Variants in GSTCD observed in about 807,000 individuals in gnomAD.
GSTCD encodes glutathione S-transferase C-terminal domain containing, also known as glutathione S-transferase C-terminal domain-containing protein.
Under a neutral mutation model 68.3 loss-of-function variants are expected in GSTCD, and 44 were observed. The observed-to-expected ratio is 0.64, with a 90% CI of 0.51 to 0.83. GSTCD has a LOEUF of 0.83. Ranked by LOEUF, GSTCD falls within the 40% of genes least tolerant of loss-of-function variation. The pLI, the probability that GSTCD is intolerant of heterozygous loss-of-function variation, is 0.00. For missense variants in GSTCD, 739 were observed against 735.9 expected, an observed-to-expected ratio of 1.00 and a Z score of -0.05; for synonymous variants, 273 against 255.2, an observed-to-expected ratio of 1.07 and a Z score of -0.67.
intron 5 of GSTCD, among the ~76,000 whole-genome samples, chr4:105,731,034 T>A (rs1733220324): frequency 6.6e-6 from 1 of 152,176 alleles, no homozygotes; most frequent in Non-Finnish European, 1.5e-5. Context: ...AAAGATCAGA[T>A]GGTTGTAGAT....
chr4:105,759,819 A>C (rs1734333791), intron 5 of GSTCD, among the ~76,000 whole-genome samples: 1 of 152,140 alleles, frequency 6.6e-6, no homozygotes, highest in Non-Finnish European at 1.5e-5. Flanking sequence ...GGACTTAAAC[A>C]AAAAATTGAC....
chr4:105,809,864 T>A (rs1158750992), intron 5 of GSTCD, among the ~76,000 whole-genome samples: 1 of 152,020 alleles, frequency 6.6e-6, no homozygotes, highest in Non-Finnish European at 1.5e-5. Context: ...GAAATTGTGT[T>A]TTTCTAGGTT....
chr4:105,834,577 G>A lies in GSTCD; in HGVS notation c.1647G>A (p.Lys549=), dbSNP rs760066509. The stretch of plus-strand genomic sequence containing the variant: ...ATGGTTTCATTCAGAACACCTCAAA[G>A]TTCAATTTTCCAAAAAGGTGAGAAA... ...CCYGFIQNTS[K]FNFPKSEQFK... The change falls in exon 9 of 12, where the codon AAG becomes AAA. Residue 549 remains lysine (K), a synonymous_variant. Transcript: ENST00000515279. 6.2e-7 allele frequency: 1 copy of A among 1,613,870 alleles called. No individual in the cohort carries two copies. Among genetic ancestry groups the A allele is most frequent in the Non-Finnish European group, 8.5e-7 (1 of 1,179,880 alleles).
intron 1 of GSTCD, among the ~76,000 whole-genome samples, chr4:105,715,480 A>G (rs115768668): frequency 0.041 from 6,202 of 152,118 alleles, 433 homozygotes; most frequent in African/African-American, 0.14. Context: ...TTTAAGAAGT[A>G]ACAAATCATG....
At chr4:105,743,653 CTTTTTTTTTTTTT>C (rs777714268) in intron 5 of GSTCD, among the ~76,000 whole-genome samples, 3 of 88,848 alleles carry the variant, frequency 3.4e-5, no homozygotes, top group Admixed American at 1.2e-4. Flanking sequence ...ACAGGACATT[CTTTTTTTTTTTTT>C]TTTTTTTTTT....
Position 105,837,819 on chromosome 4 carries a change from T to C in GSTCD, c.1665-40T>C, listed in dbSNP as rs1178132096. 4.8e-6 allele frequency: 4 copies of C among 835,238 alleles called. No homozygotes were observed. The African/African-American group carries it at 7.0e-5, about 15-fold the overall frequency. The allele number at this position is 835,238 out of a possible 1,614,324, so 51.7% of individuals were successfully genotyped here. On this transcript the variant is annotated intron_variant, in intron 9 of 11. Coordinates refer to ENST00000515279, the MANE Select transcript of GSTCD (RefSeq NM_001370181.1). The stretch of plus-strand genomic sequence containing the variant: ...TTCTTCAAGATTATCTTACTCTTAA[T>C]ATTTAGAATGATGACTAATTCCTTT...
At chr4:105,773,522 T>G (rs953333157) in intron 5 of GSTCD, among the ~76,000 whole-genome samples, 1 of 152,238 alleles carries the variant, frequency 6.6e-6, no homozygotes, top group Admixed American at 6.6e-5. Context: ...CTGTTAACAC[T>G]GCTTTAGCTG....
At chr4:105,813,195 G>A (rs959073176) in intron 5 of GSTCD, among the ~76,000 whole-genome samples, 1 of 152,044 alleles carries the variant, frequency 6.6e-6, no homozygotes, top group East Asian at 1.9e-4. Context: ...TTACAAAAAA[G>A]GATTGATATA....
intron 1 of GSTCD, among the ~76,000 whole-genome samples, chr4:105,711,883 A>C (rs1040854589): frequency 6.6e-6 from 1 of 152,178 alleles, no homozygotes; most frequent in Non-Finnish European, 1.5e-5. Context: ...GTATACATAA[A>C]AACTTCTGTG....
At chr4:105,761,906 TTG>T (rs1382139047) in intron 5 of GSTCD, 3 of 152,244 alleles carry the variant, frequency 2.0e-5, no homozygotes, top group Non-Finnish European at 4.4e-5. Context: ...TGCTTTTTAT[TTG>T]CTCATTACTG....
intron 5 of GSTCD, among the ~76,000 whole-genome samples, chr4:105,757,753 A>G (rs1397090275): frequency 6.6e-6 from 1 of 152,192 alleles, no homozygotes; most frequent in African/African-American, 2.4e-5. Flanking sequence ...TACCCAACCT[A>G]TTTCACAAGG....
intron 2 of GSTCD, 83 bp downstream of exon 2, chr4:105,718,122 A>G (rs767428393): frequency 2.6e-5 from 28 of 1,087,472 alleles, no homozygotes; most frequent in Non-Finnish European, 3.5e-5. Flanking sequence ...TTAACTTCCT[A>G]TTAGGAATAA....
chr4:105,820,283 T>G (rs1042343862), intron 5 of GSTCD, among the ~76,000 whole-genome samples: 4 of 151,736 alleles, frequency 2.6e-5, no homozygotes, highest in Non-Finnish European at 4.4e-5. Flanking sequence ...AAGTACCTCC[T>G]AACTGGAATT....
chr4:105,776,656 G>T (rs114943963), intron 5 of GSTCD, among the ~76,000 whole-genome samples: 1 of 152,024 alleles, frequency 6.6e-6, no homozygotes, highest in African/African-American at 2.4e-5. Flanking sequence ...ACTCACCTCT[G>T]TGGGCTGTAC....
intron 9 of GSTCD, among the ~76,000 whole-genome samples, chr4:105,836,299 A>G (rs1724115572): frequency 6.6e-6 from 1 of 152,126 alleles, no homozygotes; most frequent in Non-Finnish European, 1.5e-5. Context: ...TGGACTCCAG[A>G]GGGAAGGAAG....
intron 9 of GSTCD, among the ~76,000 whole-genome samples, chr4:105,836,617 C>G (rs1213493734): frequency 6.6e-6 from 1 of 151,948 alleles, no homozygotes; most frequent in Admixed American, 6.6e-5. Context: ...GCCCAAAGTC[C>G]AGAGGGGGCT....
intron 5 of GSTCD, among the ~76,000 whole-genome samples, chr4:105,789,383 T>A (rs1318738119): frequency 6.6e-6 from 1 of 152,084 alleles, no homozygotes; most frequent in Non-Finnish European, 1.5e-5. Context: ...CTCACAAGGC[T>A]ACACAGTCAG....
At chr4:105,793,668 A>C (rs546673369) in intron 5 of GSTCD, among the ~76,000 whole-genome samples, 21 of 152,018 alleles carry the variant, frequency 1.4e-4, no homozygotes, top group African/African-American at 5.1e-4. Flanking sequence ...TTCTACCTCA[A>C]ATCTCCGCAT....
chr4:105,829,245 C>G (rs1251593088), intron 8 of GSTCD, among the ~76,000 whole-genome samples: 1 of 150,310 alleles, frequency 6.7e-6, no homozygotes, highest in Non-Finnish European at 1.5e-5. Context: ...CACCCAATCA[C>G]TGGTGAAGCC....
Sources: gnomAD v4.1 joint callset for allele counts (sites outside exome capture counted in the v4.1 genomes callset) on GRCh38, gnomAD v4.1.1 for gene constraint, MANE v1.5 for transcripts, NCBI Gene and HGNC (gene_info 2026-07-23, HGNC 2026-07-21) for gene names.